Variants in LAMB4 observed in about 807,000 individuals in gnomAD.
LAMB4 encodes laminin subunit beta-4.
In LAMB4, 196 loss-of-function variants were observed where a neutral mutation model predicts 199.2. The observed-to-expected ratio is 0.98, with a 90% CI of 0.88 to 1.11. The LOEUF is 1.11. Ranked by LOEUF, LAMB4 falls within the 50% of genes least tolerant of loss-of-function variation. The pLI is 0.00. For missense variants in LAMB4, 2,080 were observed against 2,171.2 expected (o/e 0.96, Z 0.83); for synonymous variants, 744 against 770.6 (o/e 0.97, Z 0.57).
intron 6 of LAMB4, among the ~76,000 whole-genome samples, chr7:108,106,979 C>G (rs1192191140): frequency 6.6e-6 from 1 of 152,082 alleles, no homozygotes; most frequent in Non-Finnish European, 1.5e-5. Context: ...AATAGAAGTA[C>G]CAGGAGCAGA....
chr7:108,092,565 TG>T, intron 12 of LAMB4, 149 bp from the exon 13 acceptor site: 1 of 661,318 alleles, frequency 1.5e-6, no homozygotes, highest in East Asian at 2.7e-5. Flanking sequence ...CCTATGCGCT[TG>T]GCTAATGATC....
chr7:108,043,108 A>G (rs914239863), intron 29 of LAMB4, among the ~76,000 whole-genome samples: 4 of 152,144 alleles, frequency 2.6e-5, no homozygotes, highest in Non-Finnish European at 5.9e-5. Context: ...TAAATCAGCT[A>G]CTTTTGGTCA....
chr7:108,043,543 A>ATTTTTTTTT (rs1385299702), intron 29 of LAMB4, among the ~76,000 whole-genome samples: 3 of 59,692 alleles, frequency 5.0e-5, no homozygotes, highest in Admixed American at 2.0e-4. Context: ...ACTGGCTATG[A>ATTTTTTTTT]TGTTTTTTTT....
downstream of LAMB4, among the ~76,000 whole-genome samples, chr7:108,022,846 T>A: frequency 6.6e-6 from 1 of 152,180 alleles, no homozygotes; most frequent in East Asian, 1.9e-4. Flanking sequence ...AGGGTCTTGC[T>A]CTGTCACCCA....
chr7:108,036,578 T>C (rs1482596078), intron 30 of LAMB4, among the ~76,000 whole-genome samples: 1 of 152,092 alleles, frequency 6.6e-6, no homozygotes, highest in East Asian at 1.9e-4. Flanking sequence ...ATGAATCTGG[T>C]GCACTTCGTT....
chr7:108,099,040 A>G (rs448559), intron 10 of LAMB4, among the ~76,000 whole-genome samples: 52,759 of 152,142 alleles, frequency 0.35, 9,623 homozygotes, highest in Non-Finnish European at 0.4. Flanking sequence ...AAAGGTGAAA[A>G]TAAGGTCAAA....
intron 2 of LAMB4, among the ~76,000 whole-genome samples, chr7:108,117,553 A>T (rs2150686121): frequency 6.6e-6 from 1 of 152,264 alleles, no homozygotes. Context: ...GTAGCTACTT[A>T]TGTTACAGGA....
chr7:108,019,805 G>A (rs927218264), downstream of LAMB4, among the ~76,000 whole-genome samples: 3 of 152,114 alleles, frequency 2.0e-5, no homozygotes, highest in East Asian at 1.9e-4. Flanking sequence ...TCTTGCCAGG[G>A]TCTGCTTTCA....
intron 5 of LAMB4, 31 bp from the exon 6 acceptor site, chr7:108,107,850 T>G: frequency 6.8e-7 from 1 of 1,476,058 alleles, no homozygotes; most frequent in East Asian, 2.4e-5. Flanking sequence ...TTGGCACATT[T>G]CACAAAGGCA....
At chr7:108,015,987 T>C in the LAMB4 span, among the ~76,000 whole-genome samples, 1 of 152,214 alleles carries the variant, frequency 6.6e-6, no homozygotes, top group Non-Finnish European at 1.5e-5. Context: ...ATGTCTCAAA[T>C]ATTTGACTTA....
At chr7:108,108,531 C>T (rs2038105209) in intron 5 of LAMB4, among the ~76,000 whole-genome samples, 1 of 152,118 alleles carries the variant, frequency 6.6e-6, no homozygotes, top group African/African-American at 2.4e-5. Flanking sequence ...TCTTAAATTC[C>T]CCAGCATTTT....
intron 15 of LAMB4, among the ~76,000 whole-genome samples, chr7:108,078,611 C>T (rs2036800092): frequency 6.6e-6 from 1 of 152,182 alleles, no homozygotes; most frequent in African/African-American, 2.4e-5. Context: ...AGGGAGTTGA[C>T]TCATTCATCA....
rs372436428 is a variant in LAMB4 at position 108,052,130 on chromosome 7, A to T, written c.3883T>A (p.Leu1295Met). 3.1e-6 allele frequency: 5 copies of T among 1,611,928 alleles called. No individual in the cohort carries two copies. The highest frequency in any genetic ancestry group is 3.4e-6 in the Non-Finnish European group (4 of 1,179,128). Reference sequence around the variant, plus strand: ...CTTGCATTAAGGACACTGGATTGCAAATCAATTTCTTCCTGAAGGTCTTCA... The same window carrying T: ...CTTGCATTAAGGACACTGGATTGCATATCAATTTCTTCCTGAAGGTCTTCA... ...LLEDLQEEID[L>M]QSSVLNASIA... The change falls in exon 26 of 34, where the codon TTG becomes ATG. Residue 1295 changes from leucine (L) to methionine (M), a missense_variant. Physicochemically the swap from Leu to Met is conservative, Grantham distance 15. Transcript: ENST00000388781.
In LAMB4 at chr7:108,030,922, CTGATCGCTGCTT is replaced by C. The variant is rs2035005280; in HGVS notation, c.4864_4875del (p.Lys1622_Ser1625del). 2.5e-6 allele frequency: 4 copies of C among 1,614,092 alleles called. No individual in the cohort carries two copies. Among genetic ancestry groups the C allele is most frequent in the Non-Finnish European group, 3.4e-6 (4 of 1,179,998 alleles). ...AGCAGGGAAAGTCCATCCTCCAGCC[CTGATCGCTGCTT>C]TGCTAACTCCAGCTCACTCTTCATT... On this transcript the variant is annotated inframe_deletion, in exon 32 of 34. Transcript: ENST00000388781.
In LAMB4 at chr7:108,066,515, G is replaced by T; in HGVS notation, c.2532C>A (p.Gly844=). 1 of 1,614,054 alleles carries T rather than the reference G, an allele frequency of 6.2e-7. No individual in the cohort carries two copies. The highest frequency in any genetic ancestry group is 8.5e-7 in the Non-Finnish European group (1 of 1,179,962). ...CTGCCAGGCAGCGATCACAGCGGCG[G>T]CCAGACACCTCTCCATGGCAGGGGC... is the stretch of plus-strand genomic sequence containing the variant. The part of the protein sequence containing the change: ...GQCPCHGEVS[G]RRCDRCLAGY... Residue 844 remains glycine, a synonymous_variant, in exon 20 of 34, where the codon GGC becomes GGA. Transcript: ENST00000388781.
chr7:108,100,418 CATCATTTGT>C (rs749979856), intron 10 of LAMB4, among the ~76,000 whole-genome samples: 12 of 152,194 alleles, frequency 7.9e-5, no homozygotes, highest in African/African-American at 1.4e-4. Flanking sequence ...TTCAAATACA[CATCATTTGT>C]ATATATACAC....
At chr7:108,053,846 C>T (rs568848946) in intron 25 of LAMB4, among the ~76,000 whole-genome samples, 1 of 152,290 alleles carries the variant, frequency 6.6e-6, no homozygotes, top group Admixed American at 6.5e-5. Flanking sequence ...GGCCAAAGCT[C>T]ATTCTCAGAC....
At chr7:108,011,974 CAT>C in the LAMB4 span, among the ~76,000 whole-genome samples, 2 of 151,252 alleles carry the variant, frequency 1.3e-5, no homozygotes, top group South Asian at 2.1e-4. Context: ...AATATAAACA[CAT>C]ATTTATATAA....
chr7:108,127,342 A>T (rs1563118426), intron 1 of LAMB4, among the ~76,000 whole-genome samples: 1 of 152,058 alleles, frequency 6.6e-6, no homozygotes, highest in Non-Finnish European at 1.5e-5. Context: ...ATAACCATGG[A>T]CCAACTGTCT....
Sources: gnomAD v4.1 joint callset for allele counts (sites outside exome capture counted in the v4.1 genomes callset) on GRCh38, gnomAD v4.1.1 for gene constraint, MANE v1.5 for transcripts, NCBI Gene and HGNC (gene_info 2026-07-23, HGNC 2026-07-21) for gene names.